The following NDUFAF5 variants were observed in gnomAD, a reference collection of about 807,000 sequenced individuals.
NDUFAF5 encodes the protein NADH:ubiquinone oxidoreductase complex assembly factor 5.
In NDUFAF5, 34 loss-of-function variants were observed where a neutral mutation model predicts 48.9. The observed-to-expected ratio is 0.70, with a 90% CI of 0.53 to 0.93. The LOEUF (loss-of-function observed/expected upper bound fraction) is 0.93, where lower values mean the gene tolerates loss of function less well. Among genes scored for constraint, NDUFAF5 ranks in the 40% least tolerant of loss-of-function variants. NDUFAF5 has a pLI of 0.00. For synonymous variants in NDUFAF5, 153 were observed against 150.6 expected (o/e 1.02, Z -0.12); for missense variants, 428 against 427.5 (o/e 1.00, Z -0.01).
At chr20:13,804,404 T>G (rs1490404826) in intron 7 of NDUFAF5, among the ~76,000 whole-genome samples, 1 of 151,686 alleles carries the variant, frequency 6.6e-6, no homozygotes, top group African/African-American at 2.4e-5. Flanking sequence ...TATTATCACT[T>G]TAGTGTGTAA....
intron 7 of NDUFAF5, among the ~76,000 whole-genome samples, chr20:13,808,155 A>G (rs560947982): frequency 1.3e-5 from 2 of 152,272 alleles, no homozygotes; most frequent in East Asian, 3.9e-4. Context: ...TGGCCTGGAA[A>G]AGGCTCTAGC....
intron 7 of NDUFAF5, among the ~76,000 whole-genome samples, chr20:13,807,222 A>G (rs538169091): frequency 2.4e-4 from 36 of 151,910 alleles, no homozygotes; most frequent in African/African-American, 8.0e-4. Context: ...AATTTTTTGT[A>G]TTTTTAGTAG....
At chr20:13,802,671 CAAAAAAAAAA>C (rs11472201) in intron 7 of NDUFAF5, among the ~76,000 whole-genome samples, 1 of 102,882 alleles carries the variant, frequency 9.7e-6, no homozygotes, top group Non-Finnish European at 1.9e-5. Context: ...ATTCCCGTCT[CAAAAAAAAAA>C]AAAAAAAAAG....
chr20:13,787,941 G>A (rs1003481836), intron 2 of NDUFAF5, among the ~76,000 whole-genome samples: 7 of 151,704 alleles, frequency 4.6e-5, no homozygotes, highest in Non-Finnish European at 8.8e-5. Flanking sequence ...TACCAATGTA[G>A]CATAACATAG....
chr20:13,794,240 A>G (rs545104846), intron 4 of NDUFAF5, among the ~76,000 whole-genome samples: 46 of 151,108 alleles, frequency 3.0e-4, no homozygotes, highest in Non-Finnish European at 6.3e-4. Context: ...CCATATTTTC[A>G]TCTAGTACTT....
rs763636027 is a variant in NDUFAF5, at chr20:13,787,333, C to T, written c.244C>T (p.Arg82Cys). Residue 82 changes from arginine (R) to cysteine (C), a missense_variant, in exon 2 of 11, where the codon CGT (arginine) becomes TGT (cysteine). Physicochemically the swap from Arg to Cys is radical, Grantham distance 180. Coordinates refer to ENST00000378106, the MANE Select transcript of NDUFAF5 (RefSeq NM_024120.5). ...TCAGGTTGGAAGTCGGATCGCAGAC[C>T]GTGTATATGACATACCCAGGTAAGT... is the stretch of plus-strand genomic sequence containing the variant. ...KEEVGSRIAD[R>C]VYDIPRNFPL... The T allele has an allele frequency of 9.3e-6, 15 of 1,613,906 alleles. No individual in the cohort carries two copies. The highest frequency in any genetic ancestry group is 1.7e-5 in the Admixed American group (1 of 59,994).
intron 5 of NDUFAF5, among the ~76,000 whole-genome samples, chr20:13,797,233 A>C (rs745918222): frequency 6.6e-6 from 1 of 152,214 alleles, no homozygotes; most frequent in Non-Finnish European, 1.5e-5. Flanking sequence ...CAGCGATTGC[A>C]TGCTCCTTGG....
intron 3 of NDUFAF5, among the ~76,000 whole-genome samples, chr20:13,792,516 T>A: frequency 6.6e-6 from 1 of 152,062 alleles, no homozygotes; most frequent in East Asian, 1.9e-4. Context: ...TAGGAAGAAG[T>A]AGAGTTGTGG....
In NDUFAF5 at chr20:13,793,232, G is replaced by A; in HGVS notation, c.375+5G>A. ...GACATTGCAGAAAATGCTTTGGTAG[G>A]TAGCTTTTTAATACTGTTGGTTTCT... is the stretch of plus-strand genomic sequence containing the variant. On this transcript the variant is annotated splice_donor_5th_base_variant and intron_variant, in intron 4 of 10. Coordinates refer to ENST00000378106, the MANE Select transcript of NDUFAF5 (RefSeq NM_024120.5). The A allele has an allele frequency of 6.2e-7, 1 of 1,611,170 alleles. No individual in the cohort carries two copies. The highest frequency in any genetic ancestry group is 8.5e-7 in the Non-Finnish European group (1 of 1,177,706).
At chr20:13,802,671 C>CAAAA (rs11472201) in intron 7 of NDUFAF5, among the ~76,000 whole-genome samples, 12 of 102,818 alleles carry the variant, frequency 1.2e-4, no homozygotes, top group South Asian at 7.6e-4. Context: ...ATTCCCGTCT[C>CAAAA]AAAAAAAAAA....
intron 3 of NDUFAF5, among the ~76,000 whole-genome samples, 185 bp from the exon 4 acceptor site, chr20:13,792,995 C>T (rs1982551428): frequency 6.6e-6 from 1 of 152,158 alleles, no homozygotes; most frequent in Non-Finnish European, 1.5e-5. Flanking sequence ...TATTTTATTA[C>T]ATATAGTTAA....
intron 7 of NDUFAF5, among the ~76,000 whole-genome samples, chr20:13,806,533 A>T (rs1239147006): frequency 6.6e-6 from 1 of 152,194 alleles, no homozygotes; most frequent in East Asian, 1.9e-4. Context: ...AAATAAAAAA[A>T]ATGGTGCAGA....
Position 13,818,011 on chromosome 20 carries a change from T to C in NDUFAF5, c.*801T>C. Reference sequence around the variant, plus strand: ...CAAGCAGGAGTGAGCGCTAAGTGTTTTGTTTCCAGTTAGCTGTTCGCTGTC... The same window carrying C: ...CAAGCAGGAGTGAGCGCTAAGTGTTCTGTTTCCAGTTAGCTGTTCGCTGTC... On this transcript the variant is annotated 3_prime_UTR_variant, in exon 11 of 11. Coordinates refer to ENST00000378106, the MANE Select transcript of NDUFAF5 (RefSeq NM_024120.5). 1 of 454,112 alleles carries C rather than the reference T, an allele frequency of 2.2e-6. No individual in the cohort carries two copies. The highest frequency in any genetic ancestry group is 1.6e-5 in the South Asian group (1 of 64,470). The allele number at this position is 454,112 out of a possible 1,614,324, so 28.1% of individuals were successfully genotyped here. A position where few individuals can be genotyped will look rare whatever the true frequency, so the allele number is the denominator to read the frequency against.
At chr20:13,794,372 C>T (rs1221246947) in intron 4 of NDUFAF5, among the ~76,000 whole-genome samples, 3 of 152,086 alleles carry the variant, frequency 2.0e-5, no homozygotes, top group African/African-American at 4.8e-5. Flanking sequence ...CTCCGCCTCC[C>T]GGGTTCAAGC....
chr20:13,809,175 C>T lies in NDUFAF5; in HGVS notation c.778+273C>T, dbSNP rs780001941. Among the ~76,000 whole-genome samples, 59 of 152,108 alleles carry T rather than the reference C, an allele frequency of 3.9e-4. 1 individual carries two copies. The highest frequency in any genetic ancestry group is 7.5e-4 in the Non-Finnish European group (51 of 68,024). ...TATGAAGTAGAGGCATATAGTGCTA[C>T]GGCTGTTTGTAAAAAGATGGCGGGA... On this transcript the variant is annotated intron_variant, in intron 8 of 10. Transcript: ENST00000378106.
chr20:13,816,743 T>C, intron 9 of NDUFAF5, 132 bp from the exon 10 acceptor site: 6 of 765,242 alleles, frequency 7.8e-6, no homozygotes, highest in South Asian at 7.3e-5. Context: ...TTAAGAATTT[T>C]TCATGTAAGA....
At position 13,785,171 on chromosome 20, in the gene NDUFAF5, C is replaced by A; in HGVS notation, c.103C>A (p.Pro35Thr). The change falls in exon 1 of 11, where the codon CCC becomes ACC. Residue 35 changes from proline (P) to threonine (T), a missense_variant. Coordinates refer to ENST00000378106, the MANE Select transcript of NDUFAF5 (RefSeq NM_024120.5). ...GRREVTSGVS[P>T]RGSTSPRTLN... ...TAGGGAAGTCACCTCTGGTGTCTCT[C>A]CCCGCGGTAGCACCTCGCCCAGAAC... 2 of 1,613,944 alleles carry A rather than the reference C, an allele frequency of 1.2e-6. No homozygotes were observed. The highest frequency in any genetic ancestry group is 8.5e-7 in the Non-Finnish European group (1 of 1,179,952).
intron 7 of NDUFAF5, among the ~76,000 whole-genome samples, chr20:13,804,809 C>T (rs182929123): frequency 1.7e-4 from 26 of 152,232 alleles, no homozygotes; most frequent in African/African-American, 5.8e-4. Context: ...GAAATCCCTG[C>T]GTGGTGTTTT....
chr20:13,811,072 T>G (rs1298485450), intron 8 of NDUFAF5, among the ~76,000 whole-genome samples: 1 of 152,030 alleles, frequency 6.6e-6, no homozygotes, highest in African/African-American at 2.4e-5. Context: ...GGTTTGCTAG[T>G]TAAAAGTGAC....
Sources: gnomAD v4.1 joint callset for allele counts (sites outside exome capture counted in the v4.1 genomes callset) on GRCh38, gnomAD v4.1.1 for gene constraint, MANE v1.5 for transcripts, NCBI Gene and HGNC (gene_info 2026-07-23, HGNC 2026-07-21) for gene names.